The following CNTNAP5 variants were observed in gnomAD, a reference collection of about 807,000 sequenced individuals.
CNTNAP5 encodes the protein contactin-associated protein-like 5.
CNTNAP5 carries 72 observed loss-of-function variants against 150.2 expected under a neutral mutation model. That is an observed-to-expected ratio of 0.48 (90% CI 0.40 to 0.58). CNTNAP5 has a LOEUF of 0.58. Among genes scored for constraint, CNTNAP5 ranks in the 20% least tolerant of loss-of-function variants. The pLI is 0.00. For missense variants in CNTNAP5, 1,636 were observed against 1,626.2 expected, an observed-to-expected ratio of 1.01 and a Z score of -0.10; for synonymous variants, 672 against 619.8, an observed-to-expected ratio of 1.08 and a Z score of -1.25.
intron 12 of CNTNAP5, among the ~76,000 whole-genome samples, chr2:124,644,974 T>A (rs562612288): frequency 6.8e-4 from 103 of 152,344 alleles, no homozygotes; most frequent in African/African-American, 2.4e-3. Flanking sequence ...ATATGCTAAA[T>A]GTGCTGGAAT....
At chr2:124,168,764 G>A (rs980283844) in intron 1 of CNTNAP5, among the ~76,000 whole-genome samples, 1 of 152,010 alleles carries the variant, frequency 6.6e-6, no homozygotes, top group Admixed American at 6.5e-5. Context: ...AATTACCAAT[G>A]GCTATTAATG....
intron 1 of CNTNAP5, among the ~76,000 whole-genome samples, chr2:124,148,648 A>G (rs909382873): frequency 6.7e-6 from 1 of 149,578 alleles, no homozygotes; most frequent in Non-Finnish European, 1.5e-5. Flanking sequence ...TTTATCTCAT[A>G]TATATATATC....
intron 13 of CNTNAP5, among the ~76,000 whole-genome samples, chr2:124,671,513 A>G (rs893177688): frequency 6.6e-6 from 1 of 152,196 alleles, no homozygotes; most frequent in African/African-American, 2.4e-5. Context: ...TGGCCCTATA[A>G]TTTAATTTAA....
At chr2:124,308,146 C>T (rs1485569772) in intron 3 of CNTNAP5, among the ~76,000 whole-genome samples, 2 of 152,134 alleles carry the variant, frequency 1.3e-5, no homozygotes, top group African/African-American at 2.4e-5. Context: ...CTTACATGAA[C>T]GTCTCTTCTC....
chr2:124,258,669 T>C (rs913291943), intron 3 of CNTNAP5, among the ~76,000 whole-genome samples: 1 of 152,124 alleles, frequency 6.6e-6, no homozygotes, highest in East Asian at 1.9e-4. Context: ...ACATAGGCAG[T>C]TGTGACTGTG....
chr2:124,707,146 A>T lies in CNTNAP5; in HGVS notation c.2078-40083A>T, dbSNP rs755464440. Among the ~76,000 whole-genome samples, 3 of 41,728 alleles carry T rather than the reference A, an allele frequency of 7.2e-5. 1 individual carries two copies. The allele number at this position is 41,728 out of a possible 152,430, so 27.4% of individuals were successfully genotyped here. On this transcript the variant is annotated intron_variant, in intron 13 of 23. Transcript: ENST00000682447. ...AGAAAGAAGAAGAAGAAGAGGAAGA[A>T]GAAGAAGAAGAAGAAGAAGAAGAAG...
At chr2:124,044,665 C>T (rs1408869196) in intron 1 of CNTNAP5, among the ~76,000 whole-genome samples, 1 of 151,972 alleles carries the variant, frequency 6.6e-6, no homozygotes, top group African/African-American at 2.4e-5. Context: ...TATATTGGCT[C>T]TTTTCTGATA....
intron 18 of CNTNAP5, among the ~76,000 whole-genome samples, chr2:124,794,862 G>C (rs1286452087): frequency 6.6e-6 from 1 of 152,042 alleles, no homozygotes; most frequent in African/African-American, 2.4e-5. Context: ...ATTGCTAAAA[G>C]ATAAGCACTC....
At chr2:124,308,731 T>A (rs1057074797) in intron 3 of CNTNAP5, among the ~76,000 whole-genome samples, 3 of 152,158 alleles carry the variant, frequency 2.0e-5, no homozygotes, top group African/African-American at 7.2e-5. Flanking sequence ...AACAAATATA[T>A]AAATAAATAT....
At chr2:124,613,967 G>A (rs1486460117) in intron 12 of CNTNAP5, among the ~76,000 whole-genome samples, 1 of 152,282 alleles carries the variant, frequency 6.6e-6, no homozygotes, top group Non-Finnish European at 1.5e-5. Context: ...GAGACGGGGA[G>A]AGCACAATTT....
intron 12 of CNTNAP5, among the ~76,000 whole-genome samples, chr2:124,622,186 A>G (rs998122938): frequency 8.6e-5 from 13 of 151,400 alleles, no homozygotes; most frequent in African/African-American, 3.2e-4. Context: ...TGTTCTCATC[A>G]TTCAGTTCCC....
chr2:124,315,233 T>C (rs1192585890), intron 3 of CNTNAP5, among the ~76,000 whole-genome samples: 1 of 152,198 alleles, frequency 6.6e-6, no homozygotes, highest in African/African-American at 2.4e-5. Flanking sequence ...AGTGCTGAGG[T>C]TACAGGGCAT....
At position 124,739,665 on chromosome 2, in the gene CNTNAP5, C is replaced by T. The variant is rs137876837; in HGVS notation, c.2078-7564C>T. On this transcript the variant is annotated intron_variant, in intron 13 of 23. Transcript: ENST00000682447. ...AACAGTCATTTCCTAAAGACGACTGCGGTGAAAATCAGATCTCCTTTTCTT... is the reference window on the plus strand; with the variant it reads ...AACAGTCATTTCCTAAAGACGACTGTGGTGAAAATCAGATCTCCTTTTCTT... 3.0e-3 allele frequency among the ~76,000 whole-genome samples: 456 copies of T among 152,248 alleles called. 3 individuals are homozygous for T. Among genetic ancestry groups the T allele is most frequent in the African/African-American group, 0.01 (428 of 41,546 alleles).
chr2:124,887,050 C>T (rs191806537), intron 21 of CNTNAP5, among the ~76,000 whole-genome samples: 3 of 152,128 alleles, frequency 2.0e-5, no homozygotes, highest in Admixed American at 6.5e-5. Flanking sequence ...CTTATGCCAC[C>T]AACTTCCATT....
chr2:124,711,304 A>T (rs576626800), intron 13 of CNTNAP5, among the ~76,000 whole-genome samples: 133 of 152,052 alleles, frequency 8.7e-4, no homozygotes, highest in African/African-American at 2.6e-3. Flanking sequence ...AAATTAAAAA[A>T]ATATATATTT....
At chr2:124,555,572 T>C (rs921149180) in intron 10 of CNTNAP5, among the ~76,000 whole-genome samples, 1 of 152,210 alleles carries the variant, frequency 6.6e-6, no homozygotes, top group Non-Finnish European at 1.5e-5. Flanking sequence ...AGTTTTGCAA[T>C]AAAAAGTTTG....
At chr2:124,828,421 C>A (rs1682644019) in intron 19 of CNTNAP5, among the ~76,000 whole-genome samples, 2 of 151,972 alleles carry the variant, frequency 1.3e-5, no homozygotes, top group Admixed American at 1.3e-4. Flanking sequence ...GTGGAGCTTG[C>A]AGCAAGCTGA....
chr2:124,227,215 C>T lies in CNTNAP5; in HGVS notation c.187+5406C>T, dbSNP rs536671798. On this transcript the variant is annotated intron_variant, in intron 2 of 23. Transcript: ENST00000682447. ...ACACTGAGCCATATTTTATAATATT[C>T]TGCCTCAACACTTCAACTTCCAGCA... Among the ~76,000 whole-genome samples, 238 of 152,272 alleles carry T rather than the reference C, an allele frequency of 1.6e-3. 1 individual carries two copies. The highest frequency in any genetic ancestry group is 2.7e-3 in the Non-Finnish European group (184 of 68,024).
At chr2:124,774,098 A>T (rs553978483) in intron 17 of CNTNAP5, among the ~76,000 whole-genome samples, 1 of 152,228 alleles carries the variant, frequency 6.6e-6, no homozygotes, top group African/African-American at 2.4e-5. Flanking sequence ...CTACCAAAAC[A>T]AAGAGTGTGC....
Sources: gnomAD v4.1 joint callset for allele counts (sites outside exome capture counted in the v4.1 genomes callset) on GRCh38, gnomAD v4.1.1 for gene constraint, MANE v1.5 for transcripts, NCBI Gene and HGNC (gene_info 2026-07-23, HGNC 2026-07-21) for gene names.